Variants in TMEM117 observed in about 807,000 individuals in gnomAD.
TMEM117 encodes transmembrane protein 117.
In TMEM117, 27 loss-of-function variants were observed where a neutral mutation model predicts 52.4. The observed-to-expected ratio is 0.51, with a 90% CI of 0.38 to 0.71. TMEM117 has a LOEUF of 0.71. Among genes scored for constraint, TMEM117 ranks in the 30% least tolerant of loss-of-function variants. The pLI, the probability that TMEM117 is intolerant of heterozygous loss-of-function variation, is 0.00. For missense variants in TMEM117, 556 were observed against 630.5 expected (o/e 0.88, Z 1.26); for synonymous variants, 215 against 206.3 (o/e 1.04, Z -0.36).
the TMEM117 span, among the ~76,000 whole-genome samples, chr12:43,809,223 T>A: frequency 6.6e-6 from 1 of 152,362 alleles, no homozygotes; most frequent in African/African-American, 2.4e-5. Flanking sequence ...ATCCATCTTG[T>A]TTCTTCTCTG....
At chr12:44,078,749 G>A (rs1947423660) in intron 3 of TMEM117, among the ~76,000 whole-genome samples, 1 of 151,826 alleles carries the variant, frequency 6.6e-6, no homozygotes, top group African/African-American at 2.4e-5. Context: ...TGGGATACAT[G>A]TGAAGAATGT....
intron 2 of TMEM117, among the ~76,000 whole-genome samples, chr12:43,897,319 T>G (rs1944222556): frequency 6.6e-6 from 1 of 151,284 alleles, no homozygotes; most frequent in East Asian, 1.9e-4. Flanking sequence ...ATTCTTTTTT[T>G]TTTTTTTTTT....
chr12:44,381,822 T>A (rs903135631), intron 7 of TMEM117, among the ~76,000 whole-genome samples: 3 of 152,084 alleles, frequency 2.0e-5, no homozygotes, highest in East Asian at 1.9e-4. Context: ...TGTTTTTTTT[T>A]AAAGAGCTCT....
At chr12:43,826,403 C>T in the TMEM117 span, among the ~76,000 whole-genome samples, 1 of 152,174 alleles carries the variant, frequency 6.6e-6, no homozygotes, top group African/African-American at 2.4e-5. Context: ...AGATCTACTC[C>T]CCATATTTCC....
chr12:44,295,364 T>A (rs1445079686), intron 5 of TMEM117, among the ~76,000 whole-genome samples: 1 of 152,020 alleles, frequency 6.6e-6, no homozygotes, highest in African/African-American at 2.4e-5. Flanking sequence ...CCACTATGCC[T>A]GGCTGAATTT....
intron 6 of TMEM117, among the ~76,000 whole-genome samples, chr12:44,340,843 T>C (rs1307352825): frequency 6.6e-6 from 1 of 152,132 alleles, no homozygotes; most frequent in Non-Finnish European, 1.5e-5. Flanking sequence ...AGTGCAGTCC[T>C]GCTACATGCA....
chr12:44,098,088 C>T (rs988655973), intron 3 of TMEM117, among the ~76,000 whole-genome samples: 2 of 151,946 alleles, frequency 1.3e-5, no homozygotes, highest in South Asian at 2.1e-4. Context: ...CTGGATTGAA[C>T]ATTAACATAT....
intron 6 of TMEM117, among the ~76,000 whole-genome samples, chr12:44,331,903 T>C (rs1951275296): frequency 6.6e-6 from 1 of 152,042 alleles, no homozygotes; most frequent in African/African-American, 2.4e-5. Context: ...AAAACTTTAT[T>C]CTTGTCACCT....
chr12:44,396,589 C>G, the TMEM117 span, among the ~76,000 whole-genome samples: 2 of 152,154 alleles, frequency 1.3e-5, no homozygotes, highest in Non-Finnish European at 2.9e-5. Context: ...TGCGGTGGCT[C>G]AAGCCTGTAA....
intron 3 of TMEM117, among the ~76,000 whole-genome samples, chr12:44,002,738 C>G (rs1235270007): frequency 2.6e-5 from 4 of 152,166 alleles, no homozygotes; most frequent in Non-Finnish European, 5.9e-5. Context: ...GGCTCCCTGT[C>G]CCTTCTTCCT....
intron 4 of TMEM117, among the ~76,000 whole-genome samples, chr12:44,178,175 A>G (rs1201612424): frequency 1.3e-5 from 2 of 152,110 alleles, no homozygotes; most frequent in Non-Finnish European, 2.9e-5. Context: ...TTTTAGATAC[A>G]CTGTTAATTT....
At chr12:44,165,813 T>A (rs1948959152) in intron 4 of TMEM117, among the ~76,000 whole-genome samples, 1 of 152,192 alleles carries the variant, frequency 6.6e-6, no homozygotes, top group South Asian at 2.1e-4. Context: ...ATTGGACAGA[T>A]CATCTAGACA....
chr12:44,100,720 T>A (rs1321939093), intron 3 of TMEM117, among the ~76,000 whole-genome samples: 5 of 152,006 alleles, frequency 3.3e-5, no homozygotes. Flanking sequence ...TTTCTATCAC[T>A]CAGTATTTAC....
chr12:44,364,733 CA>C (rs1218083978), intron 6 of TMEM117, among the ~76,000 whole-genome samples: 2 of 151,948 alleles, frequency 1.3e-5, no homozygotes, highest in Non-Finnish European at 2.9e-5. Context: ...GTTTCTATGC[CA>C]AAAAATGTTA....
At chr12:44,257,095 C>G (rs966986603) in intron 5 of TMEM117, among the ~76,000 whole-genome samples, 1 of 149,562 alleles carries the variant, frequency 6.7e-6, no homozygotes, top group East Asian at 2.0e-4. Context: ...GTGACTTGAT[C>G]GAATCCTCAA....
intron 4 of TMEM117, among the ~76,000 whole-genome samples, chr12:44,198,084 T>G (rs1949444625): frequency 6.6e-6 from 1 of 152,192 alleles, no homozygotes; most frequent in Non-Finnish European, 1.5e-5. Flanking sequence ...AACTGTATAC[T>G]CAGGTAATGT....
upstream of TMEM117, among the ~76,000 whole-genome samples, chr12:43,835,607 T>C (rs1943012979): frequency 6.6e-6 from 1 of 152,032 alleles, no homozygotes; most frequent in Non-Finnish European, 1.5e-5. Context: ...ACAGAAATCA[T>C]GTTTTGCGAC....
At chr12:44,055,481 G>A (rs1947039281) in intron 3 of TMEM117, among the ~76,000 whole-genome samples, 1 of 152,060 alleles carries the variant, frequency 6.6e-6, no homozygotes, top group Non-Finnish European at 1.5e-5. Flanking sequence ...ATATGGATAG[G>A]CAAAAATCAA....
At chr12:44,337,300 A>G (rs1399509810) in intron 6 of TMEM117, among the ~76,000 whole-genome samples, 2 of 152,066 alleles carry the variant, frequency 1.3e-5, no homozygotes, top group Non-Finnish European at 2.9e-5. Context: ...AAGGAGCAGA[A>G]GAACTGACCC....
Sources: gnomAD v4.1 joint callset for allele counts (sites outside exome capture counted in the v4.1 genomes callset) on GRCh38, gnomAD v4.1.1 for gene constraint, MANE v1.5 for transcripts, NCBI Gene and HGNC (gene_info 2026-07-23, HGNC 2026-07-21) for gene names.